Variants in PPP1R26 observed in about 807,000 individuals in gnomAD.
PPP1R26 encodes the protein 1A6/DRIM (down-regulated in metastasis) interacting protein.
PPP1R26 carries 22 observed loss-of-function variants against 67.6 expected under a neutral mutation model. That is an observed-to-expected ratio of 0.33 (90% CI 0.23 to 0.46). The LOEUF is 0.46. PPP1R26 is among the 20% of genes least tolerant of loss of function. PPP1R26 has a pLI of 1.00. For missense variants in PPP1R26, 1,602 were observed against 1,651.4 expected (o/e 0.97, Z 0.52); for synonymous variants, 729 against 717.2 (o/e 1.02, Z -0.26).
At chr9:135,482,951 T>G in intron 2 of PPP1R26, 136 bp downstream of exon 2, 2 of 342,444 alleles carry the variant, frequency 5.8e-6, no homozygotes, top group Non-Finnish European at 1.0e-5. Context: ...TGTGTGTAGG[T>G]GGCCAGGCTC....
In PPP1R26 at chr9:135,487,482, G is replaced by A. The variant is rs976881436; in HGVS notation, c.2972G>A (p.Gly991Glu). ...PSCATAGTEAGGARGTFHMGC... is the reference protein window; with the variant it reads ...PSCATAGTEAEGARGTFHMGC... Reference sequence around the variant, plus strand: ...TGTGCCACAGCGGGCACCGAGGCAGGAGGCGCCAGAGGAACCTTTCACATG... The same window carrying A: ...TGTGCCACAGCGGGCACCGAGGCAGAAGGCGCCAGAGGAACCTTTCACATG... Residue 991 changes from glycine to glutamate, a missense_variant, in exon 4 of 4, where the codon GGA (glycine) becomes GAA (glutamate). Coordinates refer to ENST00000356818, the MANE Select transcript of PPP1R26 (RefSeq NM_014811.5). 1.2e-6 allele frequency: 2 copies of A among 1,610,378 alleles called. No homozygotes were observed. The highest frequency in any genetic ancestry group is 1.7e-5 in the Admixed American group (1 of 59,914).
In PPP1R26 at chr9:135,484,477, T is replaced by C; in HGVS notation, c.-34T>C. On this transcript the variant is annotated 5_prime_UTR_variant, in exon 4 of 4. Transcript: ENST00000356818. ...GTGAAGCCGGTAGAGAAATAAAGCA[T>C]CGCCCCTCTGCGCGCCCCTCCCCGT... The C allele has an allele frequency of 2.0e-6, 3 of 1,495,108 alleles. No homozygotes were observed. Among genetic ancestry groups the C allele is most frequent in the Non-Finnish European group, 2.7e-6 (3 of 1,107,206 alleles). The allele number at this position is 1,495,108 out of a possible 1,614,324, so 92.6% of individuals were successfully genotyped here.
At position 135,485,125 on chromosome 9, in the gene PPP1R26, C is replaced by T. The variant is rs1460850987; in HGVS notation, c.615C>T (p.Ser205=). The change falls in exon 4 of 4, where the codon AGC becomes AGT. Residue 205 remains serine, a synonymous_variant. Coordinates refer to ENST00000356818, the MANE Select transcript of PPP1R26 (RefSeq NM_014811.5). The surrounding 1 kb of genome is among the most constrained non-coding windows in gnomAD (Gnocchi z 7.2). ...GGGPGSQVGS[S]KDQGSASPVS... is the part of the protein sequence containing the mutation. ...GCCCCGGCAGCCAGGTGGGATCCAG[C>T]AAGGACCAGGGCTCCGCCTCCCCGG... 1 of 1,612,842 alleles carries T rather than the reference C, an allele frequency of 6.2e-7. No homozygotes were observed. Among genetic ancestry groups the T allele is most frequent in the Non-Finnish European group, 8.5e-7 (1 of 1,179,842 alleles).
In PPP1R26 at chr9:135,485,787, A is replaced by G. The variant is rs1830703771; in HGVS notation, c.1277A>G (p.Lys426Arg). Reference protein sequence around the residue: ...PETHRKTPSKKKLVATKTMDP... With the variant: ...PETHRKTPSKRKLVATKTMDP... The stretch of plus-strand genomic sequence containing the variant: ...ACCCACAGGAAAACACCCAGCAAGA[A>G]GAAGCTAGTGGCCACCAAGACCATG... Residue 426 changes from lysine to arginine, a missense_variant, in exon 4 of 4, where the codon AAG becomes AGG. Lys to Arg is a conservative substitution (Grantham distance 26). Transcript: ENST00000356818. This position sits in a 1 kb window ranked among gnomAD's most constrained non-coding sequence, Gnocchi z 7.2. 1.2e-6 allele frequency: 2 copies of G among 1,612,478 alleles called. No homozygotes were observed. The highest frequency in any genetic ancestry group is 1.7e-6 in the Non-Finnish European group (2 of 1,180,012).
At position 135,487,536 on chromosome 9, in the gene PPP1R26, CCAG is replaced by C. The variant is rs762314467; in HGVS notation, c.3028_3030del (p.Ser1010del). The C allele has an allele frequency of 1.9e-6, 3 of 1,591,214 alleles. No individual in the cohort carries two copies. The Admixed American group carries it at 5.3e-5, about 28-fold the overall frequency. ...TGCGGGAGCCCGAGCTTCCTGACCC[CCAG>C]CCCGGGAGCGGAGAGGGACGCTGGA... On this transcript the variant is annotated inframe_deletion, in exon 4 of 4. Transcript: ENST00000356818.
Position 135,484,939 on chromosome 9 carries a change from A to C in PPP1R26, c.429A>C (p.Ala143=). The C allele has an allele frequency of 6.3e-7, 1 of 1,581,494 alleles. No individual in the cohort carries two copies. Among genetic ancestry groups the C allele is most frequent in the Non-Finnish European group, 8.6e-7 (1 of 1,163,170 alleles). Reference sequence around the variant, plus strand: ...AGGCCATCCAGGAGTACCTGAAGGCAAAGAGTGGAGCCGCACAGCCCGGGG... The same window carrying C: ...AGGCCATCCAGGAGTACCTGAAGGCCAAGAGTGGAGCCGCACAGCCCGGGG... ...IEEAIQEYLK[A]KSGAAQPGAG... The change falls in exon 4 of 4, where the codon GCA becomes GCC. Residue 143 remains alanine, a synonymous_variant. Transcript: ENST00000356818.
chr9:135,483,069 A>G (rs941502431), intron 2 of PPP1R26, among the ~76,000 whole-genome samples: 5 of 143,616 alleles, frequency 3.5e-5, no homozygotes, highest in African/African-American at 1.0e-4. Flanking sequence ...AGCTCACTGC[A>G]AACTCTACCT....
At chr9:135,484,360 G>A (rs1309993249) in intron 3 of PPP1R26, 89 bp from the exon 4 acceptor site, 8 of 743,858 alleles carry the variant, frequency 1.1e-5, no homozygotes, top group South Asian at 7.5e-5. Context: ...CTGTGAGCCC[G>A]ACATGCTGTT....
At chr9:135,480,963 G>A (rs1830495931) in intron 1 of PPP1R26, among the ~76,000 whole-genome samples, 3 of 152,188 alleles carry the variant, frequency 2.0e-5, no homozygotes, top group Admixed American at 6.5e-5. Flanking sequence ...GAGTATTTGG[G>A]GGCGTTTCTC....
rs756264029 is a variant in PPP1R26 at position 135,487,280 on chromosome 9, G to T, written c.2770G>T (p.Gly924Trp). The T allele has an allele frequency of 6.4e-7, 1 of 1,556,756 alleles. No individual in the cohort carries two copies. Among genetic ancestry groups the T allele is most frequent in the Admixed American group, 1.9e-5 (1 of 53,130 alleles). Residue 924 changes from glycine to tryptophan, a missense_variant, in exon 4 of 4, where the codon GGG becomes TGG. Around this residue, in one of 5 missense-constraint regions of PPP1R26, gnomAD observed 740 missense variants for 696.3 expected, o/e 1.06. Transcript: ENST00000356818. ...CACAGCTGGTCTGTTCAGCCAGGGC[G>T]GGAAGGGGCTCCCTGCTGCTCCTGC... Reference protein sequence around the residue: ...QGTAGLFSQGGKGLPAAPARG... With the variant: ...QGTAGLFSQGWKGLPAAPARG...
Position 135,487,873 on chromosome 9 carries a change from G to A in PPP1R26, c.3363G>A (p.Glu1121=). The change falls in exon 4 of 4, where the codon GAG becomes GAA. Residue 1121 remains glutamate, a synonymous_variant. Transcript: ENST00000356818. ...LQGPSFSAFR[E]AQAGPSPVFG... ...GCCCCTCCTTCTCGGCCTTCAGGGA[G>A]GCCCAGGCCGGACCCAGCCCTGTCT... 6.3e-7 allele frequency: 1 copy of A among 1,581,900 alleles called. No individual in the cohort carries two copies. Among genetic ancestry groups the A allele is most frequent in the East Asian group, 2.2e-5 (1 of 44,546 alleles).
chr9:135,479,764 G>GC (rs1189957832), upstream of PPP1R26: 8 of 143,014 alleles, frequency 5.6e-5, no homozygotes, highest in Admixed American at 4.1e-4. This position sits in a 1 kb window ranked among gnomAD's most constrained non-coding sequence, Gnocchi z 5.9. Flanking sequence ...GGGTCGCCCC[G>GC]CCCCCCGCCC....
At position 135,486,778 on chromosome 9, in the gene PPP1R26, G is replaced by C. The variant is rs373678657; in HGVS notation, c.2268G>C (p.Lys756Asn). The C allele has an allele frequency of 6.3e-7, 1 of 1,588,686 alleles. No individual in the cohort carries two copies. The highest frequency in any genetic ancestry group is 8.6e-7 in the Non-Finnish European group (1 of 1,168,114). The part of the protein sequence containing the change: ...GPPVLKSCLS[K>N]SKRDSGEGPG... Reference sequence around the variant, plus strand: ...CAGTGCTGAAGAGCTGCCTCTCCAAGTCCAAGAGAGACAGTGGCGAGGGTC... The same window carrying C: ...CAGTGCTGAAGAGCTGCCTCTCCAACTCCAAGAGAGACAGTGGCGAGGGTC... Residue 756 changes from lysine (K) to asparagine (N), a missense_variant, in exon 4 of 4, where the codon AAG (lysine) becomes AAC (asparagine). By Grantham distance (94) the Lys-to-Asn change is moderately conservative. Coordinates refer to ENST00000356818, the MANE Select transcript of PPP1R26 (RefSeq NM_014811.5). This position sits in a 1 kb window ranked among gnomAD's most constrained non-coding sequence, Gnocchi z 6.2.
Position 135,487,134 on chromosome 9 carries a change from A to T in PPP1R26, c.2624A>T (p.Glu875Val). Residue 875 changes from glutamate to valine, a missense_variant, in exon 4 of 4, where the codon GAG (glutamate) becomes GTG (valine). By Grantham distance (121) the Glu-to-Val change is moderately radical. Around this residue, in one of 5 missense-constraint regions of PPP1R26, gnomAD observed 740 missense variants for 696.3 expected, o/e 1.06. Transcript: ENST00000356818. The part of the protein sequence containing the change: ...ALGTGGPARP[E>V]VLCRKEPAPP... ...GGGACAGGGGGCCCAGCCAGGCCAGAGGTGCTGTGCAGGAAGGAGCCTGCC... is the reference window on the plus strand; with the variant it reads ...GGGACAGGGGGCCCAGCCAGGCCAGTGGTGCTGTGCAGGAAGGAGCCTGCC... 2.5e-6 allele frequency: 4 copies of T among 1,609,648 alleles called. No homozygotes were observed. The highest frequency in any genetic ancestry group is 3.4e-6 in the Non-Finnish European group (4 of 1,178,132).
chr9:135,482,205 A>G (rs997245638), intron 1 of PPP1R26, among the ~76,000 whole-genome samples: 2 of 152,258 alleles, frequency 1.3e-5, no homozygotes, highest in Non-Finnish European at 2.9e-5. Flanking sequence ...AGGCTAATGC[A>G]AATGTTTTGT....
chr9:135,484,930 C>T lies in PPP1R26; in HGVS notation c.420C>T (p.Tyr140=), dbSNP rs768137901. The T allele has an allele frequency of 2.5e-6, 4 of 1,582,998 alleles. No individual in the cohort carries two copies. Among genetic ancestry groups the T allele is most frequent in the Admixed American group, 3.5e-5 (2 of 57,744 alleles). Residue 140 remains tyrosine, a synonymous_variant, in exon 4 of 4, where the codon TAC becomes TAT. Transcript: ENST00000356818. The stretch of plus-strand genomic sequence containing the variant: ...ACATTGAGGAGGCCATCCAGGAGTA[C>T]CTGAAGGCAAAGAGTGGAGCCGCAC... The part of the protein sequence containing the change: ...DRDIEEAIQE[Y]LKAKSGAAQP...
Position 135,485,360 on chromosome 9 carries a change from C to G in PPP1R26, c.850C>G (p.Gln284Glu). The part of the protein sequence containing the change: ...VVHRQGLLGV[Q>E]KEFAFRKPPR... ...GCATCGGCAGGGCCTGCTGGGCGTCCAGAAGGAGTTTGCCTTCCGCAAACC... is the reference window on the plus strand; with the variant it reads ...GCATCGGCAGGGCCTGCTGGGCGTCGAGAAGGAGTTTGCCTTCCGCAAACC... The change falls in exon 4 of 4, where the codon CAG (glutamine) becomes GAG (glutamate). Residue 284 changes from glutamine (Q) to glutamate (E), a missense_variant. This residue lies in a region of PPP1R26 where 680 missense variants were observed against 726.1 expected (regional missense o/e 0.94). Coordinates refer to ENST00000356818, the MANE Select transcript of PPP1R26 (RefSeq NM_014811.5). This position sits in a 1 kb window ranked among gnomAD's most constrained non-coding sequence, Gnocchi z 7.2. 1 of 1,612,908 alleles carries G rather than the reference C, an allele frequency of 6.2e-7. No homozygotes were observed.
Position 135,481,327 on chromosome 9 carries a change from G to A in PPP1R26, c.-329+1305G>A, listed in dbSNP as rs1048718615. On this transcript the variant is annotated intron_variant, in intron 1 of 3. Transcript: ENST00000356818. ...CTGATCTCGGCTCACTGTAATCTCC[G>A]CCTCCCTGGTTCAAGCGATTCTCGT... 8.4e-5 allele frequency among the ~76,000 whole-genome samples: 12 copies of A among 143,660 alleles called. No individual in the cohort carries two copies. The South Asian group carries it at 1.8e-3, about 21-fold the overall frequency. 94.2% of individuals were successfully genotyped at this position (143,660 alleles called of 152,430 possible).
In PPP1R26 at chr9:135,485,092, A is replaced by G. The variant is rs199680297; in HGVS notation, c.582A>G (p.Ser194=). ...GTCCCCCAAAACTTGTACCTGGATC[A>G]GGTGGTGGCCCCGGCAGCCAGGTGG... ...ALCPPKLVPG[S]GGGPGSQVGS... The change falls in exon 4 of 4, where the codon TCA becomes TCG. Residue 194 remains serine (S), a synonymous_variant. Transcript: ENST00000356818. This position sits in a 1 kb window ranked among gnomAD's most constrained non-coding sequence, Gnocchi z 7.2. 66 of 1,612,012 alleles carry G rather than the reference A, an allele frequency of 4.1e-5. No individual in the cohort carries two copies. In the Middle Eastern group the frequency reaches 6.6e-4, roughly 16 times the overall value.
Sources: allele counts gnomAD v4.1 joint callset (sites outside exome capture counted in the v4.1 genomes callset), GRCh38; gene constraint gnomAD v4.1.1; regional missense constraint gnomAD v4.1.1; non-coding constraint Gnocchi (gnomAD v3.1); transcripts MANE v1.5; gene names NCBI Gene and HGNC (gene_info 2026-07-23, HGNC 2026-07-21).